The following MICU1 variants were observed in gnomAD, a reference collection of about 807,000 sequenced individuals.
The protein encoded by MICU1 is mitochondrial calcium uptake 1.
Under a neutral mutation model 56.8 loss-of-function variants are expected in MICU1, and 45 were observed. The ratio of observed to expected loss-of-function variants is 0.79; its 90% CI spans 0.62 to 1.02. The LOEUF (loss-of-function observed/expected upper bound fraction) is 1.02, where lower values mean the gene tolerates loss of function less well. Among genes scored for constraint, MICU1 ranks in the 50% least tolerant of loss-of-function variants. The pLI, the probability that MICU1 is intolerant of heterozygous loss-of-function variation, is 0.00. For synonymous variants in MICU1, 186 were observed against 195.1 expected, an observed-to-expected ratio of 0.95 and a Z score of 0.39; for missense variants, 504 against 587.1, an observed-to-expected ratio of 0.86 and a Z score of 1.46.
chr10:72,534,026 C>T (rs1327340428), intron 4 of MICU1, among the ~76,000 whole-genome samples: 2 of 152,038 alleles, frequency 1.3e-5, no homozygotes, highest in Non-Finnish European at 2.9e-5. Flanking sequence ...TAAAAATGTG[C>T]AAACCTATTC....
Position 72,496,288 on chromosome 10 carries a change from C to T in MICU1, c.652+11867G>A, listed in dbSNP as rs1433400056. Among the ~76,000 whole-genome samples, 4 of 151,248 alleles carry T rather than the reference C, an allele frequency of 2.6e-5. No individual in the cohort carries two copies. In the East Asian group the frequency reaches 7.8e-4, roughly 29 times the overall value. ...GATAATATAGGCATGTGCCACCACG[C>T]CTGGCTAATTCCTTTTTTTTTTTTT... On this transcript the variant is annotated intron_variant, in intron 6 of 11. Transcript: ENST00000361114.
intron 5 of MICU1, among the ~76,000 whole-genome samples, chr10:72,514,221 A>G (rs1443024403): frequency 2.0e-5 from 3 of 152,148 alleles, no homozygotes; most frequent in Non-Finnish European, 4.4e-5. Context: ...GTATCTATTG[A>G]AATTTTCTGT....
chr10:72,508,474 A>G, intron 5 of MICU1: 1 of 374,328 alleles, frequency 2.7e-6, no homozygotes, highest in Non-Finnish European at 4.8e-6. Context: ...TCATTTCAAC[A>G]CTAGTTCAAT....
intron 10 of MICU1, among the ~76,000 whole-genome samples, chr10:72,390,884 T>C (rs1212339900): frequency 6.6e-6 from 1 of 152,256 alleles, no homozygotes; most frequent in Non-Finnish European, 1.5e-5. Context: ...TCTGAGCTTC[T>C]TGAGGGTGGA....
At chr10:72,425,440 T>C (rs962185521) in intron 8 of MICU1, among the ~76,000 whole-genome samples, 9 of 152,246 alleles carry the variant, frequency 5.9e-5, no homozygotes, top group African/African-American at 2.2e-4. Context: ...GCCTCTGTTT[T>C]GTTTCAGACA....
intron 8 of MICU1, among the ~76,000 whole-genome samples, chr10:72,462,256 AC>A (rs1865661561): frequency 6.8e-6 from 1 of 148,086 alleles, no homozygotes. Flanking sequence ...TTACTCTGTC[AC>A]CCAGGCTGGA....
At chr10:72,508,064 C>T (rs982527791) in intron 6 of MICU1, 91 bp downstream of exon 6, 3 of 566,980 alleles carry the variant, frequency 5.3e-6, no homozygotes, top group African/African-American at 1.9e-5. Flanking sequence ...ATTAACTCTA[C>T]CAATATGTCT....
chr10:72,512,100 G>GT (rs1199987987), intron 5 of MICU1, among the ~76,000 whole-genome samples: 1,896 of 82,364 alleles, frequency 0.023, 204 homozygotes, highest in East Asian at 0.045. Flanking sequence ...ATACACAGTT[G>GT]TTTTTTGTTT....
At chr10:72,476,226 C>CAAAAA (rs71018297) in intron 7 of MICU1, among the ~76,000 whole-genome samples, 1 of 73,802 alleles carries the variant, frequency 1.4e-5, no homozygotes, top group African/African-American at 5.7e-5. Context: ...GACTCCATCT[C>CAAAAA]AAAAAAAAAA....
At chr10:72,574,999 G>A (rs921136795) in intron 1 of MICU1, among the ~76,000 whole-genome samples, 3 of 152,204 alleles carry the variant, frequency 2.0e-5, no homozygotes, top group Admixed American at 6.5e-5. Flanking sequence ...GGAGATGCCC[G>A]GATGATGTCA....
At chr10:72,592,852 G>A (rs552051997) in intron 1 of MICU1, among the ~76,000 whole-genome samples, 10 of 149,248 alleles carry the variant, frequency 6.7e-5, no homozygotes, top group African/African-American at 7.4e-5. Flanking sequence ...GCGCAATCTC[G>A]GCTCACTGCA....
chr10:72,403,670 T>TGTGTGTGTG (rs1554862082), intron 10 of MICU1, among the ~76,000 whole-genome samples: 15 of 149,696 alleles, frequency 1.0e-4, no homozygotes, highest in South Asian at 2.1e-4. Context: ...TGTGTGTGTG[T>TGTGTGTGTG]TTTGAGACGG....
chr10:72,452,497 T>C (rs1471709318), intron 8 of MICU1, among the ~76,000 whole-genome samples: 1 of 152,238 alleles, frequency 6.6e-6, no homozygotes, highest in African/African-American at 2.4e-5. Flanking sequence ...GAGGCAGGTA[T>C]TTCAAATACA....
chr10:72,617,833 AAAC>A (rs768986761), intron 1 of MICU1, among the ~76,000 whole-genome samples: 1 of 152,188 alleles, frequency 6.6e-6, no homozygotes, highest in East Asian at 1.9e-4. Flanking sequence ...CCCCAACTCA[AAAC>A]AACAACAAAA....
At position 72,512,849 on chromosome 10, in the gene MICU1, T is replaced by A. The variant is rs190618745; in HGVS notation, c.538-4580A>T. The stretch of plus-strand genomic sequence containing the variant: ...CCTCCCCAGTAGCTGGGACTACAGG[T>A]ACATGTCACCATGCTCGGGTAATTT... On this transcript the variant is annotated intron_variant, in intron 5 of 11. Coordinates refer to ENST00000361114, the MANE Select transcript of MICU1 (RefSeq NM_001195518.2). Among the ~76,000 whole-genome samples, 171 of 152,118 alleles carry A rather than the reference T, an allele frequency of 1.1e-3. 1 individual carries two copies. Among genetic ancestry groups the A allele is most frequent in the African/African-American group, 4.0e-3 (164 of 41,512 alleles).
chr10:72,418,650 A>G (rs1034102150), intron 9 of MICU1, among the ~76,000 whole-genome samples: 3 of 152,226 alleles, frequency 2.0e-5, no homozygotes, highest in African/African-American at 7.2e-5. Flanking sequence ...TCAATCTCTT[A>G]GGTCTTGTTT....
Position 72,374,718 on chromosome 10 carries a change from G to A in MICU1, c.1270+1065C>T, listed in dbSNP as rs72808189. ...GGATGATGAACAACAAATACTGGCT[G>A]TGGGGTAAGAGAGGGTGGTAATATA... On this transcript the variant is annotated intron_variant, in intron 11 of 11. Coordinates refer to ENST00000361114, the MANE Select transcript of MICU1 (RefSeq NM_001195518.2). Among the ~76,000 whole-genome samples, 1,162 of 151,864 alleles carry A rather than the reference G, an allele frequency of 7.7e-3. 9 individuals are homozygous for A. The highest frequency in any genetic ancestry group is 0.034 in the East Asian group (177 of 5,156).
At chr10:72,400,904 C>G (rs1007796661) in intron 10 of MICU1, among the ~76,000 whole-genome samples, 4 of 149,288 alleles carry the variant, frequency 2.7e-5, no homozygotes, top group Admixed American at 2.7e-4. Context: ...CACACACACA[C>G]CCTATATGAT....
chr10:72,594,773 A>T (rs1589375463), intron 1 of MICU1, among the ~76,000 whole-genome samples: 2 of 151,902 alleles, frequency 1.3e-5, no homozygotes, highest in Middle Eastern at 6.8e-3. Context: ...TTAGCTGGAC[A>T]TGATGGTGCA....
Sources: allele counts gnomAD v4.1 joint callset (sites outside exome capture counted in the v4.1 genomes callset), GRCh38; gene constraint gnomAD v4.1.1; transcripts MANE v1.5; gene names NCBI Gene and HGNC (gene_info 2026-07-23, HGNC 2026-07-21).